The following YJU2B variants were observed in gnomAD, a reference collection of about 807,000 sequenced individuals.
YJU2B encodes probable splicing factor YJU2B.
YJU2B carries 18 observed loss-of-function variants against 38.0 expected under a neutral mutation model. The observed-to-expected ratio is 0.47, with a 90% CI of 0.33 to 0.70. The LOEUF is 0.70. Ranked by LOEUF, YJU2B falls within the 30% of genes least tolerant of loss-of-function variation. The pLI, the probability that YJU2B is intolerant of heterozygous loss-of-function variation, is 0.02. For synonymous variants in YJU2B, 246 were observed against 225.4 expected (o/e 1.09, Z -0.82); for missense variants, 538 against 556.3 (o/e 0.97, Z 0.33).
chr19:13,762,883 T>C lies in YJU2B; in HGVS notation c.1006T>C (p.Cys336Arg). The C allele has an allele frequency of 1.9e-6, 3 of 1,611,028 alleles. No individual in the cohort carries two copies. The highest frequency in any genetic ancestry group is 1.1e-5 in the South Asian group (1 of 90,824). Residue 336 changes from cysteine to arginine, a missense_variant, in exon 10 of 10, where the codon TGT (cysteine) becomes CGT (arginine). By Grantham distance (180) the Cys-to-Arg change is radical. Transcript: ENST00000221554. ...GGACCGGCCCATGTCCCCCGGAGAC[T>C]GTCCTCCGGAAACAACTGAGACCCC... The part of the protein sequence containing the change: ...AQDRPMSPGD[C>R]PPETTETPKC...
chr19:13,756,067 T>C, intron 3 of YJU2B, 130 bp from the exon 4 acceptor site: 1 of 721,664 alleles, frequency 1.4e-6, no homozygotes, highest in Non-Finnish European at 2.5e-6. Flanking sequence ...TGAACACCCG[T>C]CCTGCAGGAC....
intron 2 of YJU2B, among the ~76,000 whole-genome samples, chr19:13,738,793 G>A (rs1023618497): frequency 2.0e-5 from 3 of 151,960 alleles, no homozygotes; most frequent in African/African-American, 2.4e-5. Context: ...GGGAGGCTGA[G>A]GCAGGAGAAT....
intron 2 of YJU2B, among the ~76,000 whole-genome samples, chr19:13,737,026 CAAAAAAAAAA>C (rs61619895): frequency 8.5e-6 from 1 of 118,016 alleles, no homozygotes; most frequent in African/African-American, 3.2e-5. Context: ...GACTCATTCT[CAAAAAAAAAA>C]AAAAAAGAAA....
intron 8 of YJU2B, chr19:13,759,614 A>C: frequency 1.2e-5 from 2 of 169,932 alleles, no homozygotes; most frequent in African/African-American, 2.4e-5. Flanking sequence ...AAATAAATAA[A>C]TAATAGAAAT....
chr19:13,763,063 G>A lies in YJU2B; in HGVS notation c.1186G>A (p.Glu396Lys). The stretch of plus-strand genomic sequence containing the variant: ...GGCGGACTACTCCGACTCGGAGAGT[G>A]AGTGAGCGATCCCCATCCTGGAGAC... ...LVADYSDSES[E>K] is the part of the protein sequence containing the mutation. The change falls in exon 10 of 10, where the codon GAG becomes AAG. Residue 396 changes from glutamate (E) to lysine (K), a missense_variant. Coordinates refer to ENST00000221554, the MANE Select transcript of YJU2B (RefSeq NM_030818.4). The A allele has an allele frequency of 1.3e-6, 2 of 1,546,642 alleles. No homozygotes were observed. The highest frequency in any genetic ancestry group is 2.3e-5 in the East Asian group (1 of 44,270).
chr19:13,737,568 C>T (rs992703709), intron 2 of YJU2B, among the ~76,000 whole-genome samples: 9 of 90,476 alleles, frequency 9.9e-5, no homozygotes, highest in Admixed American at 2.2e-4. Flanking sequence ...AGGTGGATCA[C>T]GAGGTCAGGA....
chr19:13,758,799 G>A lies in YJU2B; in HGVS notation c.258-69G>A, dbSNP rs1258093120. 7.7e-6 allele frequency: 12 copies of A among 1,559,862 alleles called. No individual in the cohort carries two copies. In the East Asian group the frequency reaches 2.2e-4, roughly 29 times the overall value. On this transcript the variant is annotated intron_variant, in intron 6 of 9. Coordinates refer to ENST00000221554, the MANE Select transcript of YJU2B (RefSeq NM_030818.4). ...GACACCATTGGGTGGAAGGAAGCAG[G>A]CAGAGGCGACAGGGCTGTCCTGGTG...
chr19:13,747,559 C>T (rs981578354), upstream of YJU2B, among the ~76,000 whole-genome samples: 5 of 152,200 alleles, frequency 3.3e-5, no homozygotes, highest in African/African-American at 1.2e-4. Context: ...CAACCTCTGC[C>T]TCCCGGGTTC....
intron 2 of YJU2B, among the ~76,000 whole-genome samples, chr19:13,741,355 G>T (rs1230388059): frequency 1.3e-5 from 2 of 151,068 alleles, no homozygotes; most frequent in Non-Finnish European, 3.0e-5. Context: ...GGGTTTCACC[G>T]TGTTGGTCAG....
In YJU2B at chr19:13,757,835, C is replaced by G. The variant is rs1162414870; in HGVS notation, c.246C>G (p.Thr82=). ...EKKKVGNYYT[T]PIYRFRMKCH... ...AGAAGGTGGGCAATTACTACACAAC[C>G]CCGATCTACAGGTAAGGGCGGCTTG... The change falls in exon 6 of 10, where the codon ACC becomes ACG. Residue 82 remains threonine (T), a synonymous_variant. Coordinates refer to ENST00000221554, the MANE Select transcript of YJU2B (RefSeq NM_030818.4). 6.2e-7 allele frequency: 1 copy of G among 1,613,890 alleles called. No individual in the cohort carries two copies. The highest frequency in any genetic ancestry group is 1.3e-5 in the African/African-American group (1 of 74,918).
At chr19:13,743,372 G>A (rs1973143213), upstream of YJU2B, among the ~76,000 whole-genome samples, 1 of 151,972 alleles carries the variant, frequency 6.6e-6, no homozygotes, top group South Asian at 2.1e-4. Context: ...CTGAGGTCAG[G>A]AGTTCGAGAC....
At chr19:13,751,105 A>G (rs758616261) in intron 1 of YJU2B, among the ~76,000 whole-genome samples, 8 of 152,006 alleles carry the variant, frequency 5.3e-5, no homozygotes, top group Non-Finnish European at 1.0e-4. Context: ...TAAGCAGGAG[A>G]GTGACACGTT....
chr19:13,757,522 T>C, intron 5 of YJU2B, 49 bp downstream of exon 5: 1 of 1,391,276 alleles, frequency 7.2e-7, no homozygotes, highest in Non-Finnish European at 1.0e-6. Flanking sequence ...TCAGACCCCC[T>C]AACTGCTGGA....
intron 2 of YJU2B, among the ~76,000 whole-genome samples, chr19:13,742,578 CT>C (rs1375059974): frequency 2.0e-5 from 3 of 152,118 alleles, no homozygotes; most frequent in Non-Finnish European, 2.9e-5. Context: ...TGCCCTATGC[CT>C]TCCTTTCCCT....
chr19:13,746,421 C>G (rs1973252366), upstream of YJU2B, among the ~76,000 whole-genome samples: 1 of 152,168 alleles, frequency 6.6e-6, no homozygotes, highest in Admixed American at 6.6e-5. Flanking sequence ...GAATTCAACC[C>G]TGTTGCAGAC....
chr19:13,737,968 T>C (rs567691148), intron 2 of YJU2B, among the ~76,000 whole-genome samples: 35 of 152,234 alleles, frequency 2.3e-4, no homozygotes, highest in African/African-American at 8.2e-4. Flanking sequence ...TCTATCAGAA[T>C]GATCACTCTT....
chr19:13,757,585 G>A, intron 5 of YJU2B, 112 bp downstream of exon 5: 1 of 1,154,594 alleles, frequency 8.7e-7, no homozygotes, highest in Non-Finnish European at 1.3e-6. Flanking sequence ...GGAGGAGACG[G>A]GCACCCGAGT....
chr19:13,736,571 T>TGTACTTACCCAAATACTCTAA (rs1972953911), intron 2 of YJU2B, among the ~76,000 whole-genome samples: 1 of 152,188 alleles, frequency 6.6e-6, no homozygotes, highest in African/African-American at 2.4e-5. Flanking sequence ...AATTTTATTT[T>TGTACTTACCCAAATACTCTAA]GTACTTACCC....
At chr19:13,738,845 G>A (rs1361157927) in intron 2 of YJU2B, among the ~76,000 whole-genome samples, 2 of 146,462 alleles carry the variant, frequency 1.4e-5, no homozygotes, top group South Asian at 2.1e-4. Context: ...AGCCGAGATC[G>A]AGCCACTACT....
Sources: allele counts gnomAD v4.1 joint callset (sites outside exome capture counted in the v4.1 genomes callset), GRCh38; gene constraint gnomAD v4.1.1; transcripts MANE v1.5; gene names NCBI Gene and HGNC (gene_info 2026-07-23, HGNC 2026-07-21).